Variants in INPP4A observed in about 807,000 individuals in gnomAD.
INPP4A encodes inositol polyphosphate-4-phosphatase, type I, 107kD.
Under a neutral mutation model 119.8 loss-of-function variants are expected in INPP4A, and 33 were observed. The ratio of observed to expected loss-of-function variants is 0.28; its 90% CI spans 0.21 to 0.37. The LOEUF is 0.37. Ranked by LOEUF, INPP4A falls within the 10% of genes least tolerant of loss-of-function variation. The pLI is 1.00. For missense variants in INPP4A, 956 were observed against 1,289.9 expected, an observed-to-expected ratio of 0.74 and a Z score of 3.97; for synonymous variants, 496 against 500.7, an observed-to-expected ratio of 0.99 and a Z score of 0.12.
intron 1 of INPP4A, among the ~76,000 whole-genome samples, chr2:98,467,571 A>T (rs1394783267): frequency 6.6e-6 from 1 of 152,290 alleles, no homozygotes; most frequent in South Asian, 2.1e-4. Flanking sequence ...TGCCCTTGGA[A>T]CTGAGTGGAA....
intron 22 of INPP4A, among the ~76,000 whole-genome samples, chr2:98,571,616 C>T (rs1697468313): frequency 6.6e-6 from 1 of 152,208 alleles, no homozygotes; most frequent in African/African-American, 2.4e-5. Context: ...GTCGACTGGA[C>T]CATGACCCAG....
At chr2:98,455,339 A>C (rs1462349759) in intron 1 of INPP4A, among the ~76,000 whole-genome samples, 1 of 151,978 alleles carries the variant, frequency 6.6e-6, no homozygotes, top group East Asian at 1.9e-4. Context: ...CCCTGTCTCT[A>C]CAAAAAAAGA....
At chr2:98,497,374 T>TG (rs1309579933) in intron 1 of INPP4A, among the ~76,000 whole-genome samples, 1 of 152,204 alleles carries the variant, frequency 6.6e-6, no homozygotes, top group East Asian at 1.9e-4. Flanking sequence ...AGAGTTCCTA[T>TG]GGGGCACCGC....
At chr2:98,496,979 T>G (rs1682112091) in intron 1 of INPP4A, among the ~76,000 whole-genome samples, 1 of 152,182 alleles carries the variant, frequency 6.6e-6, no homozygotes, top group Non-Finnish European at 1.5e-5. Flanking sequence ...TGGGAAGTGC[T>G]TGATGGAAGC....
intron 7 of INPP4A, among the ~76,000 whole-genome samples, chr2:98,536,729 C>CT (rs746643366): frequency 1.1e-4 from 16 of 152,124 alleles, no homozygotes; most frequent in Non-Finnish European, 1.9e-4. Context: ...ACATGGTGGT[C>CT]TTTTTTCAGA....
At position 98,570,458 on chromosome 2, in the gene INPP4A, C is replaced by T. The variant is rs1697246370; in HGVS notation, c.2518+1790C>T. 6.6e-6 allele frequency among the ~76,000 whole-genome samples: 1 copy of T among 152,136 alleles called. No individual in the cohort carries two copies. Among genetic ancestry groups the T allele is most frequent in the Non-Finnish European group, 1.5e-5 (1 of 68,014 alleles). On this transcript the variant is annotated intron_variant, in intron 22 of 24. Coordinates refer to ENST00000409851, the MANE Select transcript of INPP4A (RefSeq NM_001134225.2). This position sits in a 1 kb window ranked among gnomAD's most constrained non-coding sequence, Gnocchi z 4.3. ...GTGGACAAGGAGCTGCTGGTGATCT[C>T]TCCCATACAGTCTCACTGTGGTGAG... is the stretch of plus-strand genomic sequence containing the variant.
At chr2:98,575,047 G>A (rs889964228) in intron 23 of INPP4A, among the ~76,000 whole-genome samples, 9 of 152,228 alleles carry the variant, frequency 5.9e-5, no homozygotes, top group Non-Finnish European at 1.2e-4. Context: ...AGCAGTGCCA[G>A]CCACTCAGGT....
chr2:98,510,625 A>G (rs1367670333), intron 1 of INPP4A, among the ~76,000 whole-genome samples: 1 of 152,202 alleles, frequency 6.6e-6, no homozygotes, highest in Non-Finnish European at 1.5e-5. Flanking sequence ...ATACAGCACT[A>G]ATCCCACCTA....
Position 98,452,013 on chromosome 2 carries a change from C to T in INPP4A, c.-166+6928C>T, listed in dbSNP as rs530399001. Among the ~76,000 whole-genome samples, 708 of 152,316 alleles carry T rather than the reference C, an allele frequency of 4.6e-3. 6 individuals carry two copies. The highest frequency in any genetic ancestry group is 0.013 in the Admixed American group (196 of 15,300). On this transcript the variant is annotated intron_variant, in intron 1 of 24. Transcript: ENST00000409851. ...TTTCATCAAGGACCTCGATTCTGCT[C>T]CTCTGTCCAGCCATCACTGCCGGTT...
chr2:98,566,278 T>C lies in INPP4A; in HGVS notation c.2420+109T>C. On this transcript the variant is annotated intron_variant, in intron 21 of 24. Transcript: ENST00000409851. The surrounding 1 kb of genome is among the most constrained non-coding windows in gnomAD (Gnocchi z 4.2). ...AAGTGCTGGACAGACTTTGTCATCC[T>C]TCCTTCCTTTGGCCAACATTTTCAT... The C allele has an allele frequency of 8.2e-7, 1 of 1,222,072 alleles. No homozygotes were observed. The highest frequency in any genetic ancestry group is 3.2e-5 in the Admixed American group (1 of 31,534). 75.7% of individuals were successfully genotyped at this position (1,222,072 alleles called of 1,614,324 possible).
intron 1 of INPP4A, among the ~76,000 whole-genome samples, chr2:98,502,430 A>G (rs1203658263): frequency 6.6e-6 from 1 of 152,082 alleles, no homozygotes; most frequent in Non-Finnish European, 1.5e-5. Flanking sequence ...TTTCCCAGCT[A>G]CCAAGAGTGT....
chr2:98,581,793 CA>C, intron 24 of INPP4A: 1 of 1,586,128 alleles, frequency 6.3e-7, no homozygotes, highest in Non-Finnish European at 8.6e-7. Flanking sequence ...ACAAGAAAAA[CA>C]AAAGTGCCAG....
intron 1 of INPP4A, among the ~76,000 whole-genome samples, chr2:98,486,406 C>T (rs1679542513): frequency 6.6e-6 from 1 of 152,212 alleles, no homozygotes; most frequent in Non-Finnish European, 1.5e-5. Context: ...CTCTGTCTTT[C>T]TCCTTTCCTT....
At chr2:98,473,562 C>T (rs966358335) in intron 1 of INPP4A, among the ~76,000 whole-genome samples, 8 of 152,112 alleles carry the variant, frequency 5.3e-5, no homozygotes, top group Non-Finnish European at 1.0e-4. Context: ...GGGCCACCTG[C>T]TTCCCCTCCT....
chr2:98,519,099 G>A (rs1686691693), intron 2 of INPP4A, 74 bp downstream of exon 2: 1 of 152,256 alleles, frequency 6.6e-6, no homozygotes, highest in African/African-American at 2.4e-5. Context: ...CACCCTTTGA[G>A]AAGATCAGGG....
intron 1 of INPP4A, among the ~76,000 whole-genome samples, chr2:98,495,976 T>A (rs540492800): frequency 6.6e-6 from 1 of 152,238 alleles, no homozygotes; most frequent in African/African-American, 2.4e-5. Context: ...TATTTTGATT[T>A]CTTTCAGGGC....
At position 98,568,591 on chromosome 2, in the gene INPP4A, A is replaced by G. The variant is rs771581958; in HGVS notation, c.2441A>G (p.Gln814Arg). The change falls in exon 22 of 25, where the codon CAA becomes CGA. Residue 814 changes from glutamine to arginine, a missense_variant. By Grantham distance (43) the Gln-to-Arg change is conservative. Coordinates refer to ENST00000409851, the MANE Select transcript of INPP4A (RefSeq NM_001134225.2). ...CCAAGGTTTGGCGATACGTCTTTAC[A>G]AGAAGTCATCAACGTGGAGAGTTTG... ...LAERFGDTSL[Q>R]EVINVESLVR... The G allele has an allele frequency of 1.3e-6, 2 of 1,599,280 alleles. No homozygotes were observed. Among genetic ancestry groups the G allele is most frequent in the Non-Finnish European group, 1.7e-6 (2 of 1,171,502 alleles).
chr2:98,536,278 C>A, intron 7 of INPP4A, 70 bp downstream of exon 7: 1 of 940,346 alleles, frequency 1.1e-6, no homozygotes, highest in Non-Finnish European at 1.7e-6. Context: ...GGGGAAAGGA[C>A]CCACTTCTTA....
intron 1 of INPP4A, among the ~76,000 whole-genome samples, chr2:98,517,148 A>C (rs4851142): frequency 0.24 from 37,012 of 151,906 alleles, 4,658 homozygotes; most frequent in Middle Eastern, 0.35. Context: ...GATGCCACAG[A>C]TTCGTTTGGC....
Sources: gnomAD v4.1 joint callset for allele counts (sites outside exome capture counted in the v4.1 genomes callset) on GRCh38, gnomAD v4.1.1 for gene constraint, Gnocchi (gnomAD v3.1) non-coding constraint, MANE v1.5 for transcripts, NCBI Gene and HGNC (gene_info 2026-07-23, HGNC 2026-07-21) for gene names.